The following CASP8 variants were observed in gnomAD, a reference collection of about 807,000 sequenced individuals.
CASP8 encodes caspase 8, also known as caspase-8.
In CASP8, 24 loss-of-function variants were observed where a neutral mutation model predicts 46.3. The ratio of observed to expected loss-of-function variants is 0.52; its 90% CI spans 0.38 to 0.73. The LOEUF (loss-of-function observed/expected upper bound fraction) is 0.73. Ranked by LOEUF, CASP8 falls within the 30% of genes least tolerant of loss-of-function variation. CASP8 has a pLI of 0.00. For missense variants in CASP8, 460 were observed against 559.0 expected (o/e 0.82, Z 1.79); for synonymous variants, 188 against 200.4 (o/e 0.94, Z 0.52).
intron 2 of CASP8, among the ~76,000 whole-genome samples, chr2:201,243,529 T>C (rs982658754): frequency 6.6e-6 from 1 of 152,190 alleles, no homozygotes; most frequent in African/African-American, 2.4e-5. Flanking sequence ...ACATTTCTTT[T>C]TGATAATTTA....
chr2:201,237,357 C>T (rs1172090327), intron 2 of CASP8, among the ~76,000 whole-genome samples: 2 of 148,124 alleles, frequency 1.4e-5, no homozygotes, highest in East Asian at 2.0e-4. Context: ...TCCCAAAGTG[C>T]TGGGATTACA....
chr2:201,253,578 G>T (rs537040179), intron 2 of CASP8, among the ~76,000 whole-genome samples: 2 of 151,990 alleles, frequency 1.3e-5, no homozygotes, highest in Non-Finnish European at 1.5e-5. Context: ...TGGTGGGAAT[G>T]GTTGCATAAC....
chr2:201,269,284 T>C (rs1424697649), intron 2 of CASP8, among the ~76,000 whole-genome samples: 4 of 152,028 alleles, frequency 2.6e-5, no homozygotes, highest in African/African-American at 9.7e-5. Flanking sequence ...ACGTCCTGGG[T>C]CCACATAAGG....
chr2:201,277,203 T>G (rs1559363734), intron 7 of CASP8: 2 of 349,934 alleles, frequency 5.7e-6, no homozygotes, highest in South Asian at 7.3e-5. Flanking sequence ...ATATCAAATC[T>G]TACTAAAAGA....
At chr2:201,267,751 G>A (rs553680383) in intron 2 of CASP8, among the ~76,000 whole-genome samples, 2 of 152,176 alleles carry the variant, frequency 1.3e-5, no homozygotes, top group African/African-American at 2.4e-5. Flanking sequence ...TGAAGTCTTC[G>A]TTCTGGGCCC....
At chr2:201,274,778 G>A in intron 5 of CASP8, 111 bp from the exon 6 acceptor site, 2 of 889,488 alleles carry the variant, frequency 2.2e-6, no homozygotes, top group Non-Finnish European at 3.7e-6. Context: ...TTCCCAGCTT[G>A]AATTTTCATC....
upstream of CASP8, among the ~76,000 whole-genome samples, chr2:201,259,321 T>C (rs907560717): frequency 4.6e-5 from 7 of 152,258 alleles, no homozygotes; most frequent in African/African-American, 1.4e-4. Flanking sequence ...CACAGGCGCG[T>C]GCTACCACAC....
At chr2:201,271,210 G>T (rs1207977434) in intron 2 of CASP8, among the ~76,000 whole-genome samples, 1 of 151,716 alleles carries the variant, frequency 6.6e-6, no homozygotes, top group South Asian at 2.1e-4. Flanking sequence ...AAAGCATTTT[G>T]CTATTGCAAC....
At chr2:201,273,031 C>T (rs1948379807) in intron 5 of CASP8, 89 bp downstream of exon 5, 1 of 955,910 alleles carries the variant, frequency 1.0e-6, no homozygotes, top group Non-Finnish European at 1.7e-6. Flanking sequence ...ACCACATGCA[C>T]ATCTTAACGT....
At chr2:201,251,419 T>TGAG in intron 2 of CASP8, among the ~76,000 whole-genome samples, 1 of 150,956 alleles carries the variant, frequency 6.6e-6, no homozygotes, top group Non-Finnish European at 1.5e-5. Context: ...CAGTGAAACC[T>TGAG]CATCTCTACT....
chr2:201,281,206 T>C (rs1167211238), intron 7 of CASP8, among the ~76,000 whole-genome samples: 1 of 151,948 alleles, frequency 6.6e-6, no homozygotes, highest in East Asian at 1.9e-4. Flanking sequence ...CCCACCTGCT[T>C]GGGAGGCTGA....
chr2:201,285,961 G>A (rs966107433), intron 8 of CASP8, among the ~76,000 whole-genome samples: 8 of 152,170 alleles, frequency 5.3e-5, no homozygotes, highest in Non-Finnish European at 8.8e-5. Context: ...AGGTTTCCGC[G>A]GCTAGCTACC....
At chr2:201,248,712 A>G (rs571327115) in intron 2 of CASP8, among the ~76,000 whole-genome samples, 15 of 152,132 alleles carry the variant, frequency 9.9e-5, no homozygotes, top group Non-Finnish European at 2.1e-4. Context: ...TTCCTCTCCT[A>G]TTCTCTAGCC....
At chr2:201,258,336 G>A (rs2125047617), upstream of CASP8, 1 of 1,614,074 alleles carries the variant, frequency 6.2e-7, no homozygotes, top group East Asian at 2.2e-5. Flanking sequence ...AGTTAGGCAG[G>A]TTAGGGGACT....
Position 201,272,953 on chromosome 2 carries a change from G to T in CASP8, c.595+11G>T. The T allele has an allele frequency of 6.2e-7, 1 of 1,611,878 alleles. No homozygotes were observed. Among genetic ancestry groups the T allele is most frequent in the Non-Finnish European group, 8.5e-7 (1 of 1,178,106 alleles). ...ATGAATTTTCAAATGGTAATGCTTG[G>T]AGATACATTTTCAAGATTTAGTTAA... On this transcript the variant is annotated intron_variant, in intron 5 of 8. Coordinates refer to ENST00000673742, the MANE Select transcript of CASP8 (RefSeq NM_001372051.1). This position sits in a 1 kb window ranked among gnomAD's most constrained non-coding sequence, Gnocchi z 4.4.
At chr2:201,276,150 A>G (rs922378520) in intron 6 of CASP8, among the ~76,000 whole-genome samples, 1 of 152,164 alleles carries the variant, frequency 6.6e-6, no homozygotes, top group African/African-American at 2.4e-5. Context: ...GTACTGAAAC[A>G]GCCCTAGGAG....
rs183153959 is a variant in CASP8 at position 201,245,937 on chromosome 2, G to A, written c.-27+11825G>A. 5.1e-4 allele frequency among the ~76,000 whole-genome samples: 73 copies of A among 143,086 alleles called. 1 individual carries two copies. In the East Asian group the frequency reaches 7.6e-3, roughly 15 times the overall value. The allele number at this position is 143,086 out of a possible 152,430, so 93.9% of individuals were successfully genotyped here. On this transcript the variant is annotated intron_variant, in intron 2 of 6. Coordinates refer to the CASP8 transcript ENST00000264274. ...GACTGGAGTGCAATGGTGCAATCTC[G>A]GCTCACCGCAACCTCTACCTCCCAG...
chr2:201,284,239 T>C (rs1454579565), intron 7 of CASP8, among the ~76,000 whole-genome samples: 1 of 36,768 alleles, frequency 2.7e-5, no homozygotes, highest in Non-Finnish European at 5.3e-5. Context: ...AGACGATGGG[T>C]GGCCAAGCAG....
At chr2:201,273,565 T>C (rs757073517) in intron 5 of CASP8, among the ~76,000 whole-genome samples, 6 of 152,210 alleles carry the variant, frequency 3.9e-5, no homozygotes, top group Non-Finnish European at 7.3e-5. Context: ...CAACACCTTC[T>C]ACACTAAGTC....
Sources: allele counts gnomAD v4.1 joint callset (sites outside exome capture counted in the v4.1 genomes callset), GRCh38; gene constraint gnomAD v4.1.1; non-coding constraint Gnocchi (gnomAD v3.1); transcripts MANE v1.5; gene names NCBI Gene and HGNC (gene_info 2026-07-23, HGNC 2026-07-21).